Variants in CLVS1 observed in about 807,000 individuals in gnomAD.
CLVS1 encodes clavesin-1.
A neutral mutation model predicts 33.1 loss-of-function variants in CLVS1; 10 were observed. That is an observed-to-expected ratio of 0.30 (90% CI 0.19 to 0.51). CLVS1 has a LOEUF of 0.51. Among genes scored for constraint, CLVS1 ranks in the 20% least tolerant of loss-of-function variants. The probability of loss-of-function intolerance (pLI) is 0.97; values close to 1 mark genes in which losing one functional copy is unlikely to be tolerated. For synonymous variants in CLVS1, 163 were observed against 166.1 expected (o/e 0.98, Z 0.14); for missense variants, 343 against 433.4 (o/e 0.79, Z 1.85).
chr8:61,405,550 G>A (rs116654503), intron 3 of CLVS1, among the ~76,000 whole-genome samples: 2,028 of 152,214 alleles, frequency 0.013, 47 homozygotes, highest in African/African-American at 0.046. Flanking sequence ...AAGGCAGGAG[G>A]ATCACTTGAG....
intron 2 of CLVS1, among the ~76,000 whole-genome samples, chr8:61,343,818 G>A (rs1330877341): frequency 6.6e-6 from 1 of 152,052 alleles, no homozygotes; most frequent in East Asian, 1.9e-4. Context: ...TCAATACCCC[G>A]ATAACATCCT....
At chr8:61,415,360 T>A (rs1172288513) in intron 3 of CLVS1, among the ~76,000 whole-genome samples, 1 of 152,246 alleles carries the variant, frequency 6.6e-6, no homozygotes, top group Non-Finnish European at 1.5e-5. Flanking sequence ...AGGGCTGTAC[T>A]GCTGTCACAA....
At chr8:61,044,373 T>C in the CLVS1 span, among the ~76,000 whole-genome samples, 8 of 152,234 alleles carry the variant, frequency 5.3e-5, no homozygotes, top group Non-Finnish European at 1.2e-4. Context: ...ATGCCAATCA[T>C]GAACTGGGTA....
At chr8:61,485,535 G>A (rs1208488262) in intron 5 of CLVS1, among the ~76,000 whole-genome samples, 1 of 152,204 alleles carries the variant, frequency 6.6e-6, no homozygotes, top group East Asian at 1.9e-4. Context: ...AAGGCAGTGT[G>A]GCGATTCTTT....
At chr8:61,209,954 C>T (rs1807938365) in intron 2 of CLVS1, among the ~76,000 whole-genome samples, 2 of 152,180 alleles carry the variant, frequency 1.3e-5, no homozygotes, top group Non-Finnish European at 2.9e-5. Context: ...AGGAATTTTG[C>T]AAATGTAACT....
chr8:61,382,003 G>A (rs563436303), intron 3 of CLVS1, among the ~76,000 whole-genome samples: 143 of 152,146 alleles, frequency 9.4e-4, no homozygotes, highest in African/African-American at 3.4e-3. Context: ...TAGCTCTTTG[G>A]CATCTCTTTT....
chr8:61,409,347 T>C (rs1288967843), intron 3 of CLVS1, among the ~76,000 whole-genome samples: 2 of 152,220 alleles, frequency 1.3e-5, no homozygotes, highest in Non-Finnish European at 2.9e-5. Context: ...ATTTCTCCTC[T>C]TTTTTATACA....
chr8:61,065,259 A>G (rs1804655108), intron 1 of CLVS1, among the ~76,000 whole-genome samples: 1 of 152,250 alleles, frequency 6.6e-6, no homozygotes, highest in Non-Finnish European at 1.5e-5. Context: ...TAGATAATGT[A>G]AATAGTTGTT....
At chr8:61,445,958 G>A (rs1300188316) in intron 3 of CLVS1, among the ~76,000 whole-genome samples, 1 of 152,072 alleles carries the variant, frequency 6.6e-6, no homozygotes, top group African/African-American at 2.4e-5. Context: ...GTTCTTTATA[G>A]TATTCCCGGC....
chr8:61,018,227 A>T, the CLVS1 span, among the ~76,000 whole-genome samples: 1 of 152,006 alleles, frequency 6.6e-6, no homozygotes, highest in Admixed American at 6.6e-5. Context: ...GAAATGTAGG[A>T]GTTGGGATAT....
At chr8:61,220,798 A>G (rs1585700010) in intron 2 of CLVS1, among the ~76,000 whole-genome samples, 1 of 152,146 alleles carries the variant, frequency 6.6e-6, no homozygotes, top group African/African-American at 2.4e-5. Context: ...ATGAGCATGG[A>G]ATGTTTTTCC....
intron 2 of CLVS1, among the ~76,000 whole-genome samples, chr8:61,235,563 C>T (rs1241903975): frequency 6.6e-6 from 1 of 152,132 alleles, no homozygotes; most frequent in Non-Finnish European, 1.5e-5. Flanking sequence ...TGTCTTTCAA[C>T]TAAAACAATT....
At chr8:61,357,505 T>C (rs1440156592) in intron 2 of CLVS1, among the ~76,000 whole-genome samples, 4 of 104,370 alleles carry the variant, frequency 3.8e-5, no homozygotes, top group Admixed American at 1.9e-4. Context: ...TTTTTTTTTT[T>C]TTTTTTTTTT....
chr8:61,447,509 TTTTA>T (rs1416699726), intron 3 of CLVS1, among the ~76,000 whole-genome samples: 1 of 151,938 alleles, frequency 6.6e-6, no homozygotes, highest in Non-Finnish European at 1.5e-5. Context: ...TTCAAATTGT[TTTTA>T]TTTATCTATA....
At chr8:61,339,733 G>A (rs1811944575) in intron 2 of CLVS1, among the ~76,000 whole-genome samples, 1 of 149,788 alleles carries the variant, frequency 6.7e-6, no homozygotes, top group African/African-American at 2.5e-5. Flanking sequence ...GGGAAGGAGG[G>A]AGAGAGAAAG....
intron 1 of CLVS1, among the ~76,000 whole-genome samples, chr8:61,093,032 C>A (rs1490192022): frequency 6.6e-6 from 1 of 152,168 alleles, no homozygotes; most frequent in Non-Finnish European, 1.5e-5. Context: ...ATGGGAAGGG[C>A]TCAGTAGGTA....
At chr8:61,384,106 A>G (rs1414696824) in intron 3 of CLVS1, among the ~76,000 whole-genome samples, 11 of 152,374 alleles carry the variant, frequency 7.2e-5, no homozygotes, top group Admixed American at 7.2e-4. Flanking sequence ...TAGTAAGTGA[A>G]GATGCAAGAA....
At chr8:61,215,907 C>A (rs778562646) in intron 2 of CLVS1, among the ~76,000 whole-genome samples, 16 of 152,104 alleles carry the variant, frequency 1.1e-4, no homozygotes, top group Non-Finnish European at 2.4e-4. Context: ...GTCATTCCAC[C>A]CCTTGTTCAA....
chr8:61,038,644 A>G, the CLVS1 span, among the ~76,000 whole-genome samples: 22,306 of 152,030 alleles, frequency 0.15, 1,918 homozygotes, highest in African/African-American at 0.23. Context: ...ATGTAAAGTG[A>G]GAACAAAAAA....
Sources: gnomAD v4.1 joint callset for allele counts (sites outside exome capture counted in the v4.1 genomes callset) on GRCh38, gnomAD v4.1.1 for gene constraint, MANE v1.5 for transcripts, NCBI Gene and HGNC (gene_info 2026-07-23, HGNC 2026-07-21) for gene names.